The following MACROD2 variants were observed in gnomAD, a reference collection of about 807,000 sequenced individuals.
The protein encoded by MACROD2 is mono-ADP ribosylhydrolase 2.
MACROD2 carries 36 observed loss-of-function variants against 70.4 expected under a neutral mutation model. The ratio of observed to expected loss-of-function variants is 0.51; its 90% CI spans 0.39 to 0.68. MACROD2 has a LOEUF of 0.68. Among genes scored for constraint, MACROD2 ranks in the 30% least tolerant of loss-of-function variants. The pLI, the probability that MACROD2 is intolerant of heterozygous loss-of-function variation, is 0.00. For missense variants in MACROD2, 496 were observed against 538.4 expected (o/e 0.92, Z 0.78); for synonymous variants, 172 against 178.8 (o/e 0.96, Z 0.30).
intron 5 of MACROD2, among the ~76,000 whole-genome samples, chr20:14,963,826 T>C (rs2074606196): frequency 6.6e-6 from 1 of 152,206 alleles, no homozygotes; most frequent in Non-Finnish European, 1.5e-5. Context: ...TATAGCAATT[T>C]AGCATGGTCT....
At chr20:15,689,304 C>CA (rs1214045687) in intron 8 of MACROD2, among the ~76,000 whole-genome samples, 3,159 of 127,556 alleles carry the variant, frequency 0.025, 63 homozygotes, top group African/African-American at 0.056. Context: ...GATTCCGTCT[C>CA]AAAAAAAAAA....
At chr20:14,412,257 C>T (rs1006357081) in intron 3 of MACROD2, among the ~76,000 whole-genome samples, 3 of 152,124 alleles carry the variant, frequency 2.0e-5, no homozygotes, top group African/African-American at 4.8e-5. Context: ...AATTCCCGTC[C>T]CCCCTAGGCC....
chr20:15,357,097 T>A (rs149385149), intron 6 of MACROD2, among the ~76,000 whole-genome samples: 1 of 151,956 alleles, frequency 6.6e-6, no homozygotes, highest in Non-Finnish European at 1.5e-5. Context: ...AATGAAACCA[T>A]CTCATCAAAG....
At chr20:14,376,171 A>AAATAAATATTTATTTGGTTATTTATC (rs1444028081) in intron 3 of MACROD2, among the ~76,000 whole-genome samples, 4 of 152,220 alleles carry the variant, frequency 2.6e-5, no homozygotes, top group Admixed American at 2.0e-4. Flanking sequence ...TTTATTTATC[A>AAATAAATATTTATTTGGTTATTTATC]AAAATATATG....
At chr20:15,081,297 A>G (rs923829660) in intron 5 of MACROD2, among the ~76,000 whole-genome samples, 7 of 152,344 alleles carry the variant, frequency 4.6e-5, no homozygotes, top group Admixed American at 3.9e-4. Context: ...TGTCATTACA[A>G]CAACTGAGTT....
intron 6 of MACROD2, among the ~76,000 whole-genome samples, chr20:15,378,095 C>G (rs550674068): frequency 1.3e-5 from 2 of 150,772 alleles, no homozygotes; most frequent in Admixed American, 6.6e-5. Flanking sequence ...ACCTATGTAA[C>G]AAACCTGCAC....
At chr20:15,180,931 T>G (rs2076496131) in intron 5 of MACROD2, among the ~76,000 whole-genome samples, 1 of 152,274 alleles carries the variant, frequency 6.6e-6, no homozygotes, top group Non-Finnish European at 1.5e-5. Context: ...TCGTAAACAT[T>G]TTCTGTGTTA....
chr20:15,672,158 G>T (rs1369597523), intron 8 of MACROD2, among the ~76,000 whole-genome samples: 1 of 152,076 alleles, frequency 6.6e-6, no homozygotes, highest in East Asian at 1.9e-4. Context: ...ATTTTGGTCT[G>T]TGCTTATGAA....
At chr20:14,775,621 A>G (rs1236953204) in intron 5 of MACROD2, among the ~76,000 whole-genome samples, 7 of 151,944 alleles carry the variant, frequency 4.6e-5, no homozygotes, top group African/African-American at 1.5e-4. Context: ...TCACACCATC[A>G]ACACTGGGGG....
chr20:14,747,691 G>T lies in MACROD2; in HGVS notation c.418+62732G>T, dbSNP rs116847126. 1.0e-3 allele frequency among the ~76,000 whole-genome samples: 155 copies of T among 152,224 alleles called. 2 individuals carry two copies. The highest frequency in any genetic ancestry group is 9.7e-3 in the East Asian group (50 of 5,174). On this transcript the variant is annotated intron_variant, in intron 5 of 17. Coordinates refer to ENST00000684519, the MANE Select transcript of MACROD2 (RefSeq NM_001351661.2). ...GGGAGGCCAAGGGAGAATCTCAGGA[G>T]AGCATGGGAGCAGATTAGAGTGGTA...
intron 10 of MACROD2, among the ~76,000 whole-genome samples, chr20:15,902,324 C>T (rs1487245901): frequency 1.3e-5 from 2 of 151,890 alleles, no homozygotes; most frequent in African/African-American, 4.8e-5. Flanking sequence ...TAAGCCCCTG[C>T]TTTCTTGGGG....
chr20:14,279,091 A>G (rs1266998621), intron 3 of MACROD2, among the ~76,000 whole-genome samples: 2 of 152,182 alleles, frequency 1.3e-5, no homozygotes, highest in Admixed American at 6.6e-5. Flanking sequence ...GAGAATATCA[A>G]AATGATGTTT....
At chr20:15,665,827 C>G (rs2049889593) in intron 8 of MACROD2, among the ~76,000 whole-genome samples, 1 of 152,160 alleles carries the variant, frequency 6.6e-6, no homozygotes, top group Non-Finnish European at 1.5e-5. Context: ...CTTCTGGGTG[C>G]CCCAAGAAAC....
At chr20:14,212,555 T>G (rs909593864) in intron 3 of MACROD2, among the ~76,000 whole-genome samples, 3 of 152,100 alleles carry the variant, frequency 2.0e-5, no homozygotes, top group Non-Finnish European at 4.4e-5. Context: ...CTTCTGAATT[T>G]TTGCCAGTGT....
chr20:15,328,622 G>A (rs1348176169), intron 6 of MACROD2, among the ~76,000 whole-genome samples: 1 of 152,068 alleles, frequency 6.6e-6, no homozygotes, highest in African/African-American at 2.4e-5. Flanking sequence ...GCATTGCACA[G>A]CTAAACCTGG....
chr20:14,987,853 A>G lies in MACROD2; in HGVS notation c.419-242087A>G, dbSNP rs376308630. Among the ~76,000 whole-genome samples the G allele has an allele frequency of 5.3e-5, 8 of 152,046 alleles. No individual in the cohort carries two copies. The East Asian group carries it at 1.5e-3, about 29-fold the overall frequency. The stretch of plus-strand genomic sequence containing the variant: ...ATTCATATGTCAGGACTTAAGATAT[A>G]TATATATATAAGAAATCTCATGAAC... On this transcript the variant is annotated intron_variant, in intron 5 of 17. Coordinates refer to ENST00000684519, the MANE Select transcript of MACROD2 (RefSeq NM_001351661.2).
At chr20:14,163,914 A>G (rs2055227443) in intron 3 of MACROD2, among the ~76,000 whole-genome samples, 1 of 151,672 alleles carries the variant, frequency 6.6e-6, no homozygotes, top group Non-Finnish European at 1.5e-5. Context: ...TCTTTAGTAT[A>G]CATATTTTGA....
chr20:14,379,861 T>C (rs1375449459), intron 3 of MACROD2, among the ~76,000 whole-genome samples: 1 of 152,162 alleles, frequency 6.6e-6, no homozygotes, highest in Non-Finnish European at 1.5e-5. Context: ...ATTCATCTGT[T>C]GGTAGACACT....
At chr20:15,236,220 G>A (rs541215845) in intron 6 of MACROD2, among the ~76,000 whole-genome samples, 4 of 152,182 alleles carry the variant, frequency 2.6e-5, no homozygotes, top group South Asian at 2.1e-4. Context: ...TTCACGTTTC[G>A]TAAGATCTCC....
Sources: allele counts gnomAD v4.1 joint callset (sites outside exome capture counted in the v4.1 genomes callset), GRCh38; gene constraint gnomAD v4.1.1; transcripts MANE v1.5; gene names NCBI Gene and HGNC (gene_info 2026-07-23, HGNC 2026-07-21).